The following CADM2 variants were observed in gnomAD, a reference collection of about 807,000 sequenced individuals.
The protein encoded by CADM2 is immunoglobulin superfamily member 4D.
A neutral mutation model predicts 49.8 loss-of-function variants in CADM2; 12 were observed. The observed-to-expected ratio is 0.24, with a 90% CI of 0.15 to 0.39. The LOEUF (loss-of-function observed/expected upper bound fraction) is 0.39. Among genes scored for constraint, CADM2 ranks in the 10% least tolerant of loss-of-function variants. The pLI is 1.00. For synonymous variants in CADM2, 214 were observed against 175.4 expected, an observed-to-expected ratio of 1.22 and a Z score of -1.74; for missense variants, 378 against 492.3, an observed-to-expected ratio of 0.77 and a Z score of 2.20.
At chr3:86,043,266 G>A (rs769635216) in intron 8 of CADM2, among the ~76,000 whole-genome samples, 13 of 152,202 alleles carry the variant, frequency 8.5e-5, no homozygotes, top group Non-Finnish European at 2.9e-5. Flanking sequence ...AGGGTATTCA[G>A]TTAGGAAAAG....
chr3:85,081,437 A>G (rs1315815995), intron 1 of CADM2, among the ~76,000 whole-genome samples: 4 of 152,186 alleles, frequency 2.6e-5, no homozygotes, highest in Non-Finnish European at 5.9e-5. Flanking sequence ...AATATTTGAA[A>G]TATTTGGAAA....
chr3:85,628,740 C>T (rs928950637), intron 1 of CADM2, among the ~76,000 whole-genome samples: 1 of 150,200 alleles, frequency 6.7e-6, no homozygotes, highest in Non-Finnish European at 1.5e-5. Flanking sequence ...ACACTATACT[C>T]ATACAGGTAT....
At chr3:85,121,926 T>C (rs2038877948) in intron 1 of CADM2, among the ~76,000 whole-genome samples, 1 of 152,180 alleles carries the variant, frequency 6.6e-6, no homozygotes, top group African/African-American at 2.4e-5. Context: ...TTATCTCCAA[T>C]TTATCTTCGC....
chr3:85,702,714 A>G (rs185945861), intron 1 of CADM2, among the ~76,000 whole-genome samples: 8 of 152,122 alleles, frequency 5.3e-5, no homozygotes, highest in Admixed American at 5.2e-4. Context: ...TTATTTCTTG[A>G]AATCTCCCGA....
At chr3:85,052,102 C>T (rs1424215566) in intron 1 of CADM2, among the ~76,000 whole-genome samples, 1 of 152,104 alleles carries the variant, frequency 6.6e-6, no homozygotes. Flanking sequence ...CATGATATGA[C>T]AATACTTTCC....
intron 2 of CADM2, among the ~76,000 whole-genome samples, chr3:85,755,056 C>A (rs2069047250): frequency 6.6e-6 from 1 of 152,208 alleles, no homozygotes; most frequent in African/African-American, 2.4e-5. Context: ...CTGGCACCAA[C>A]TGGACGTCCT....
chr3:85,498,888 A>C (rs2040008192), intron 1 of CADM2, among the ~76,000 whole-genome samples: 1 of 152,178 alleles, frequency 6.6e-6, no homozygotes, highest in African/African-American at 2.4e-5. Context: ...ACATATACTC[A>C]GAAGGTCAAC....
rs189604369 is a variant in CADM2, at chr3:85,606,487, A to G, written c.62-120035A>G. 1.2e-4 allele frequency among the ~76,000 whole-genome samples: 19 copies of G among 152,288 alleles called. No homozygotes were observed. The East Asian group carries it at 3.7e-3, about 29-fold the overall frequency. ...TATACTATAAAAACATATGCATATT[A>G]GAATATTGGTATATTTACTAAATTG... On this transcript the variant is annotated intron_variant, in intron 1 of 9. Transcript: ENST00000383699.
At chr3:85,549,458 C>T (rs2061746167) in intron 1 of CADM2, among the ~76,000 whole-genome samples, 3 of 152,034 alleles carry the variant, frequency 2.0e-5, no homozygotes, top group Admixed American at 2.0e-4. Context: ...CTATAGATAT[C>T]TATACATCAT....
chr3:85,413,164 T>TAAAAAAAAAAAAAAA (rs1164449868), intron 1 of CADM2, among the ~76,000 whole-genome samples: 1 of 76,826 alleles, frequency 1.3e-5, no homozygotes, highest in Non-Finnish European at 2.2e-5. Flanking sequence ...AAAAAAAAAA[T>TAAAAAAAAAAAAAAA]AATAATAATA....
intron 1 of CADM2, among the ~76,000 whole-genome samples, chr3:85,598,230 C>T (rs1379733908): frequency 6.6e-6 from 1 of 152,008 alleles, no homozygotes; most frequent in Non-Finnish European, 1.5e-5. Flanking sequence ...AGCATCTAAA[C>T]TTTACTTCAG....
chr3:86,059,889 A>G (rs1248881676), intron 8 of CADM2, among the ~76,000 whole-genome samples: 2 of 152,166 alleles, frequency 1.3e-5, no homozygotes, highest in Non-Finnish European at 2.9e-5. Context: ...GATTTAAAAA[A>G]AAGCATAGCC....
At chr3:85,738,424 C>G (rs1448233484) in intron 2 of CADM2, among the ~76,000 whole-genome samples, 2 of 152,066 alleles carry the variant, frequency 1.3e-5, no homozygotes, top group African/African-American at 2.4e-5. Context: ...AGCTGAGATA[C>G]AAGATAGGTT....
At chr3:85,300,688 G>A (rs145376548) in intron 1 of CADM2, among the ~76,000 whole-genome samples, 6 of 152,150 alleles carry the variant, frequency 3.9e-5, no homozygotes, top group East Asian at 1.9e-4. Context: ...AAAACAGTGC[G>A]TGCATATGGC....
rs34756757 is a variant in CADM2 at position 85,652,772 on chromosome 3, CT to C, written c.62-73726del. On this transcript the variant is annotated intron_variant, in intron 1 of 9. Transcript: ENST00000383699. The stretch of plus-strand genomic sequence containing the variant: ...TAACCTGAAAATCTTTTTTTCTTTT[CT>C]TTTTTTTTTTTTTTTTTTTTTTTAG... Among the ~76,000 whole-genome samples, 163 of 50,790 alleles carry C rather than the reference CT, an allele frequency of 3.2e-3. 2 individuals carry two copies. The highest frequency in any genetic ancestry group is 8.2e-3 in the African/African-American group (105 of 12,762). 33.3% of individuals were successfully genotyped at this position (50,790 alleles called of 152,430 possible).
intron 1 of CADM2, among the ~76,000 whole-genome samples, chr3:85,309,870 C>T (rs1014207541): frequency 5.3e-5 from 8 of 152,200 alleles, no homozygotes; most frequent in African/African-American, 1.9e-4. Flanking sequence ...GCACCATGCC[C>T]TTGGCTTCTT....
At chr3:85,087,710 G>A (rs922823137) in intron 1 of CADM2, among the ~76,000 whole-genome samples, 2 of 151,968 alleles carry the variant, frequency 1.3e-5, no homozygotes. Flanking sequence ...CCATATTTTT[G>A]TGACAATTTA....
At chr3:85,199,369 A>AGAGAGAGAGAGAGAGAGAGAGAGAGAG (rs1559716313) in intron 1 of CADM2, among the ~76,000 whole-genome samples, 2 of 91,966 alleles carry the variant, frequency 2.2e-5, no homozygotes, top group African/African-American at 7.3e-5. Flanking sequence ...GTGTGTGTGT[A>AGAGAGAGAGAGAGAGAGAGAGAGAGAG]TGAGAGAGAG....
In CADM2 at chr3:85,672,001, A is replaced by G. The variant is rs150830505; in HGVS notation, c.62-54521A>G. On this transcript the variant is annotated intron_variant, in intron 1 of 9. Coordinates refer to ENST00000383699, the MANE Select transcript of CADM2 (RefSeq NM_001167675.2). ...AATGTTGTCTCTTCTGTTCACTGCAATATCCTAAGGTCCTACTATAGTATC... is the reference window on the plus strand; with the variant it reads ...AATGTTGTCTCTTCTGTTCACTGCAGTATCCTAAGGTCCTACTATAGTATC... Among the ~76,000 whole-genome samples, 681 of 152,266 alleles carry G rather than the reference A, an allele frequency of 4.5e-3. 6 individuals carry two copies. Among genetic ancestry groups the G allele is most frequent in the African/African-American group, 0.016 (654 of 41,548 alleles).
Sources: gnomAD v4.1 joint callset for allele counts (sites outside exome capture counted in the v4.1 genomes callset) on GRCh38, gnomAD v4.1.1 for gene constraint, MANE v1.5 for transcripts, NCBI Gene and HGNC (gene_info 2026-07-23, HGNC 2026-07-21) for gene names.